TLN2: variants seen among roughly 807,000 people sequenced by gnomAD.
The protein encoded by TLN2 is talin 2, also known as talin-2.
A neutral mutation model predicts 294.7 loss-of-function variants in TLN2; 118 were observed. The ratio of observed to expected loss-of-function variants is 0.40; its 90% confidence interval spans 0.34 to 0.47. TLN2 has a LOEUF of 0.47. TLN2 is among the 20% of genes least tolerant of loss of function. The probability of loss-of-function intolerance (pLI) is 0.84; values close to 1 mark genes in which losing one functional copy is unlikely to be tolerated. For synonymous variants in TLN2, 1,431 were observed against 1,304.5 expected (o/e 1.10, Z -2.09); for missense variants, 3,083 against 3,282.2 (o/e 0.94, Z 1.48).
At chr15:62,804,124 C>G (rs527305734) in intron 50 of TLN2, among the ~76,000 whole-genome samples, 1 of 152,286 alleles carries the variant, frequency 6.6e-6, no homozygotes, top group African/African-American at 2.4e-5. Flanking sequence ...CAAATGGACT[C>G]TGTCACTCTG....
chr15:62,459,535 C>T (rs2036672497), intron 1 of TLN2, among the ~76,000 whole-genome samples: 1 of 152,082 alleles, frequency 6.6e-6, no homozygotes, highest in Non-Finnish European at 1.5e-5. Context: ...AAAGTGTGTG[C>T]ATGCCTGTGT....
chr15:62,505,428 G>A (rs770095614), intron 1 of TLN2, among the ~76,000 whole-genome samples: 2 of 152,170 alleles, frequency 1.3e-5, no homozygotes, highest in Non-Finnish European at 2.9e-5. Flanking sequence ...AAATGTGCTA[G>A]GAAATCCTGG....
At chr15:62,522,852 A>G (rs2040529444) in intron 1 of TLN2, among the ~76,000 whole-genome samples, 1 of 151,992 alleles carries the variant, frequency 6.6e-6, no homozygotes, top group African/African-American at 2.4e-5. Context: ...GACTTTGACA[A>G]AGATTCACTC....
At chr15:62,701,026 G>A in intron 16 of TLN2, 80 bp from the exon 17 acceptor site, 1 of 1,254,702 alleles carries the variant, frequency 8.0e-7, no homozygotes, top group Non-Finnish European at 1.2e-6. Flanking sequence ...AAATGCTGGT[G>A]TGATTTTATG....
chr15:62,810,163 G>T, intron 52 of TLN2, 131 bp downstream of exon 52: 1 of 757,970 alleles, frequency 1.3e-6, no homozygotes, highest in Admixed American at 2.1e-5. Flanking sequence ...GGCTGGGACT[G>T]GATTGAACTG....
intron 1 of TLN2, among the ~76,000 whole-genome samples, chr15:62,573,319 G>A (rs2044074011): frequency 6.6e-6 from 1 of 151,940 alleles, no homozygotes; most frequent in South Asian, 2.1e-4. Context: ...CTGAGCCCTG[G>A]GGAATGCAGG....
intron 1 of TLN2, among the ~76,000 whole-genome samples, chr15:62,535,811 C>T (rs1445336556): frequency 1.3e-5 from 2 of 152,170 alleles, no homozygotes; most frequent in Non-Finnish European, 2.9e-5. Context: ...CCTCAGCCTC[C>T]CAAAGTGCTG....
chr15:62,414,799 C>A (rs2140260837), intron 1 of TLN2, among the ~76,000 whole-genome samples: 1 of 141,230 alleles, frequency 7.1e-6, no homozygotes, highest in African/African-American at 2.5e-5. Flanking sequence ...TGGACGGAAC[C>A]CTCGAGTCTA....
At chr15:62,639,979 G>A (rs1336959702) in intron 3 of TLN2, among the ~76,000 whole-genome samples, 1 of 152,180 alleles carries the variant, frequency 6.6e-6, no homozygotes, top group African/African-American at 2.4e-5. Context: ...TTCCTAGATG[G>A]GGACAGATAG....
intron 2 of TLN2, among the ~76,000 whole-genome samples, chr15:62,615,380 C>A (rs370273866): frequency 6.6e-6 from 1 of 152,142 alleles, no homozygotes; most frequent in Admixed American, 6.5e-5. Context: ...CTGGTCTGAA[C>A]GGGTTTGAGA....
At chr15:62,752,253 T>C (rs1463031270) in intron 34 of TLN2, 52 bp from the exon 35 acceptor site, 1 of 1,602,650 alleles carries the variant, frequency 6.2e-7, no homozygotes, top group African/African-American at 1.3e-5. Context: ...CCTTTACCCC[T>C]TGGTTTGAGG....
At chr15:62,655,212 A>G (rs1223413683) in intron 7 of TLN2, among the ~76,000 whole-genome samples, 1 of 152,148 alleles carries the variant, frequency 6.6e-6, no homozygotes, top group Non-Finnish European at 1.5e-5. Context: ...CGTTTTGTGT[A>G]CTCAGGTTGC....
At chr15:62,768,857 C>G (rs903409296) in intron 41 of TLN2, among the ~76,000 whole-genome samples, 16 of 152,240 alleles carry the variant, frequency 1.1e-4, no homozygotes, top group African/African-American at 3.4e-4. Context: ...TTCATGTACA[C>G]TAATCCTCCT....
At chr15:62,402,091 G>A (rs1029335080) in intron 1 of TLN2, among the ~76,000 whole-genome samples, 1 of 152,172 alleles carries the variant, frequency 6.6e-6, no homozygotes, top group Non-Finnish European at 1.5e-5. Flanking sequence ...AGCCATAGGA[G>A]AAATATAGCT....
At chr15:62,582,246 A>ACACACCCCCCC (rs764248336) in intron 1 of TLN2, among the ~76,000 whole-genome samples, 1 of 137,240 alleles carries the variant, frequency 7.3e-6, no homozygotes, top group East Asian at 2.3e-4. Context: ...ACACACACAC[A>ACACACCCCCCC]CATTCATGCC....
At chr15:62,763,265 G>T (rs914914026) in intron 39 of TLN2, 1 of 216,322 alleles carries the variant, frequency 4.6e-6, no homozygotes, top group Non-Finnish European at 8.8e-6. Context: ...GCTTAAGCCA[G>T]TGAATAGAAA....
At chr15:62,573,625 T>A (rs1223348594) in intron 1 of TLN2, among the ~76,000 whole-genome samples, 1 of 151,800 alleles carries the variant, frequency 6.6e-6, no homozygotes, top group African/African-American at 2.4e-5. Flanking sequence ...AGCCTGGGGG[T>A]GGAAGAACCT....
chr15:62,517,756 A>G (rs2040254235), intron 1 of TLN2, among the ~76,000 whole-genome samples: 1 of 152,214 alleles, frequency 6.6e-6, no homozygotes, highest in African/African-American at 2.4e-5. Flanking sequence ...TAAGGAACAT[A>G]CTGATTTGAT....
chr15:62,440,868 G>A (rs748730025), intron 1 of TLN2, among the ~76,000 whole-genome samples: 40 of 152,232 alleles, frequency 2.6e-4, no homozygotes, highest in Non-Finnish European at 4.7e-4. Context: ...CTGAAAGCAC[G>A]AATGACTGTG....
Sources: gnomAD v4.1 joint callset for allele counts (sites outside exome capture counted in the v4.1 genomes callset) on GRCh38, gnomAD v4.1.1 for gene constraint, MANE v1.5 for transcripts, NCBI Gene and HGNC (gene_info 2026-07-23, HGNC 2026-07-21) for gene names.